ZFYVE9: variants seen among roughly 807,000 people sequenced by gnomAD.
The protein encoded by ZFYVE9 is zinc finger FYVE domain-containing protein 9.
Under a neutral mutation model 126.7 loss-of-function variants are expected in ZFYVE9, and 43 were observed. The ratio of observed to expected loss-of-function variants is 0.34; its 90% CI spans 0.27 to 0.44. The LOEUF (loss-of-function observed/expected upper bound fraction) is 0.44. Ranked by LOEUF, ZFYVE9 falls within the 20% of genes least tolerant of loss-of-function variation. The pLI is 1.00. For synonymous variants in ZFYVE9, 521 were observed against 597.4 expected, an observed-to-expected ratio of 0.87 and a Z score of 1.87; for missense variants, 1,476 against 1,697.0, an observed-to-expected ratio of 0.87 and a Z score of 2.29.
intron 14 of ZFYVE9, among the ~76,000 whole-genome samples, chr1:52,333,645 A>G (rs2147870865): frequency 6.6e-6 from 1 of 152,308 alleles, no homozygotes; most frequent in East Asian, 1.9e-4. Flanking sequence ...GTCTTGTTTA[A>G]TAGATTTAAT....
In ZFYVE9 at chr1:52,279,941, T is replaced by C. The variant is rs76424086; in HGVS notation, c.2869+1327T>C. 5.7e-3 allele frequency among the ~76,000 whole-genome samples: 865 copies of C among 152,308 alleles called. 4 individuals are homozygous for C. Among genetic ancestry groups the C allele is most frequent in the African/African-American group, 0.02 (832 of 41,562 alleles). On this transcript the variant is annotated intron_variant, in intron 9 of 18. Transcript: ENST00000287727. ...TTAGAAGTTCTACATTGATGAAATG[T>C]GGGTTTCTGGCTTACTTGCTAATCA...
chr1:52,216,363 C>T lies in ZFYVE9; in HGVS notation c.-142-6C>T, dbSNP rs1005579969. ...AAGTGTAATGAGCAATGTGTTTTTC[C>T]TTTAGGATCAAACAGAGCATACTGA... is the stretch of plus-strand genomic sequence containing the variant. On this transcript the variant is annotated splice_region_variant and splice_polypyrimidine_tract_variant and intron_variant, in intron 1 of 18. Coordinates refer to ENST00000287727, the MANE Select transcript of ZFYVE9 (RefSeq NM_004799.4). 2.5e-6 allele frequency: 1 copy of T among 398,146 alleles called. No homozygotes were observed. The highest frequency in any genetic ancestry group is 4.4e-6 in the Non-Finnish European group (1 of 225,874). 24.7% of individuals were successfully genotyped at this position (398,146 alleles called of 1,614,324 possible).
intron 4 of ZFYVE9, among the ~76,000 whole-genome samples, chr1:52,256,696 T>C (rs201039942): frequency 1.5e-5 from 2 of 137,632 alleles, no homozygotes; most frequent in East Asian, 3.9e-4. Flanking sequence ...ATTATTGTTT[T>C]CTATTAATAA....
At chr1:52,151,351 T>G (rs1001899784) in intron 1 of ZFYVE9, among the ~76,000 whole-genome samples, 3 of 152,152 alleles carry the variant, frequency 2.0e-5, no homozygotes, top group Non-Finnish European at 2.9e-5. Context: ...ATTTTACAGC[T>G]GAGGGAACTG....
chr1:52,268,757 T>C, intron 7 of ZFYVE9, 125 bp downstream of exon 7: 2 of 1,131,316 alleles, frequency 1.8e-6, no homozygotes, highest in Non-Finnish European at 2.4e-6. Context: ...TACGTGCACA[T>C]ATATGGATAA....
At position 52,340,918 on chromosome 1, in the gene ZFYVE9, A is replaced by C. The variant is rs867809343; in HGVS notation, c.3939+687A>C. ...AGACTCCGTCTCAAAAAAAAAAAAA[A>C]AAAAAAAAAAAAAAACTAGGCCGGG... is the stretch of plus-strand genomic sequence containing the variant. On this transcript the variant is annotated intron_variant, in intron 17 of 18. Transcript: ENST00000287727. 9.8e-3 allele frequency among the ~76,000 whole-genome samples: 1,236 copies of C among 126,708 alleles called. 20 individuals carry two copies. Among genetic ancestry groups the C allele is most frequent in the Middle Eastern group, 0.051 (13 of 256 alleles). 83.1% of individuals were successfully genotyped at this position (126,708 alleles called of 152,430 possible). A position where few individuals can be genotyped will look rare whatever the true frequency, so the allele number is the denominator to read the frequency against.
intron 1 of ZFYVE9, chr1:52,162,330 G>T: frequency 2.6e-6 from 1 of 391,380 alleles, no homozygotes; most frequent in Non-Finnish European, 5.2e-6. Context: ...TAAGAATCTC[G>T]ACGTCTGTGA....
chr1:52,272,028 C>A (rs906918675), intron 7 of ZFYVE9, among the ~76,000 whole-genome samples: 1 of 151,948 alleles, frequency 6.6e-6, no homozygotes, highest in South Asian at 2.1e-4. Flanking sequence ...TAGTAAGAGA[C>A]GGTTTCACCA....
intron 1 of ZFYVE9, among the ~76,000 whole-genome samples, chr1:52,168,001 G>T (rs2124520223): frequency 6.6e-6 from 1 of 152,236 alleles, no homozygotes; most frequent in South Asian, 2.1e-4. Context: ...TTGCATTATA[G>T]TATTATATGC....
intron 5 of ZFYVE9, among the ~76,000 whole-genome samples, chr1:52,265,063 T>C (rs991441479): frequency 1.3e-5 from 2 of 152,176 alleles, no homozygotes; most frequent in Admixed American, 1.3e-4. Context: ...ATAGCTAATT[T>C]TTTTAACTTG....
chr1:52,212,270 A>G (rs1645035342), intron 1 of ZFYVE9, among the ~76,000 whole-genome samples: 1 of 152,122 alleles, frequency 6.6e-6, no homozygotes, highest in Non-Finnish European at 1.5e-5. Context: ...TCAGTCTCCC[A>G]AATAGCTGGG....
intron 5 of ZFYVE9, 147 bp from the exon 6 acceptor site, chr1:52,266,508 T>C (rs1645635427): frequency 2.1e-6 from 1 of 467,874 alleles, no homozygotes; most frequent in African/African-American, 2.0e-5. Context: ...TAAAATCACC[T>C]ATCTCTTTAA....
At chr1:52,336,926 CCA>C (rs1358105315) in intron 15 of ZFYVE9, among the ~76,000 whole-genome samples, 2 of 143,146 alleles carry the variant, frequency 1.4e-5, no homozygotes, top group Non-Finnish European at 3.0e-5. Context: ...TCACTGCGCT[CCA>C]ACCTGGGCAG....
chr1:52,237,153 T>G (rs1645280317), intron 3 of ZFYVE9, among the ~76,000 whole-genome samples: 1 of 152,184 alleles, frequency 6.6e-6, no homozygotes, highest in Admixed American at 6.5e-5. Context: ...TTTTTCCATC[T>G]AATCCATTAG....
At chr1:52,322,895 C>T (rs1232459816) in intron 13 of ZFYVE9, among the ~76,000 whole-genome samples, 3 of 152,132 alleles carry the variant, frequency 2.0e-5, no homozygotes, top group African/African-American at 7.2e-5. Context: ...AACTCTGCCT[C>T]CCAGGTTCAC....
intron 7 of ZFYVE9, among the ~76,000 whole-genome samples, chr1:52,269,374 A>G (rs112061559): frequency 0.047 from 7,171 of 151,532 alleles, 571 homozygotes; most frequent in African/African-American, 0.16. Flanking sequence ...CAAGTGATCC[A>G]CCCCCTCAGC....
intron 2 of ZFYVE9, among the ~76,000 whole-genome samples, chr1:52,221,501 A>T (rs904382469): frequency 6.6e-6 from 1 of 152,238 alleles, no homozygotes; most frequent in Admixed American, 6.5e-5. Flanking sequence ...TCAGTAAGCC[A>T]TCTCTCTGCC....
intron 16 of ZFYVE9, 120 bp from the exon 17 acceptor site, chr1:52,340,006 G>C (rs1248845280): frequency 5.4e-6 from 4 of 740,118 alleles, no homozygotes; most frequent in Non-Finnish European, 9.6e-6. Flanking sequence ...TGCTGCACAG[G>C]TGTGTTCAGC....
At chr1:52,263,663 G>A (rs1168940758) in intron 4 of ZFYVE9, 110 bp from the exon 5 acceptor site, 1 of 504,524 alleles carries the variant, frequency 2.0e-6, no homozygotes, top group Non-Finnish European at 3.5e-6. Context: ...CTTTAGTATT[G>A]TAGTTTAATA....
Sources: allele counts gnomAD v4.1 joint callset (sites outside exome capture counted in the v4.1 genomes callset), GRCh38; gene constraint gnomAD v4.1.1; transcripts MANE v1.5; gene names NCBI Gene and HGNC (gene_info 2026-07-23, HGNC 2026-07-21).